Variants in KIAA0319 observed in about 807,000 individuals in gnomAD.
The protein encoded by KIAA0319 is dyslexia-associated protein KIAA0319.
In KIAA0319, 83 loss-of-function variants were observed where a neutral mutation model predicts 108.4. That is an observed-to-expected ratio of 0.77 (90% CI 0.64 to 0.92). KIAA0319 has a LOEUF of 0.92. Ranked by LOEUF, KIAA0319 falls within the 40% of genes least tolerant of loss-of-function variation. KIAA0319 has a pLI of 0.00. For missense variants in KIAA0319, 1,195 were observed against 1,322.4 expected (o/e 0.90, Z 1.49); for synonymous variants, 484 against 510.4 (o/e 0.95, Z 0.70).
At chr6:24,561,516 T>C (rs921173609) in intron 16 of KIAA0319, among the ~76,000 whole-genome samples, 1 of 152,200 alleles carries the variant, frequency 6.6e-6, no homozygotes, top group Non-Finnish European at 1.5e-5. Flanking sequence ...TGTGTTGACA[T>C]ACAATGATCC....
intron 1 of KIAA0319, among the ~76,000 whole-genome samples, chr6:24,639,540 T>TA (rs1024602302): frequency 1.3e-5 from 2 of 152,086 alleles, no homozygotes; most frequent in Non-Finnish European, 2.9e-5. Flanking sequence ...ATGAAACTTT[T>TA]AAAAAAAGAG....
intron 2 of KIAA0319, chr6:24,598,178 G>A: frequency 2.1e-6 from 1 of 466,724 alleles, no homozygotes; most frequent in East Asian, 4.8e-5. Context: ...ACCAGTATGG[G>A]TCTGGGTGGA....
At chr6:24,556,569 G>A in intron 18 of KIAA0319, 38 bp downstream of exon 18, 1 of 1,603,916 alleles carries the variant, frequency 6.2e-7, no homozygotes, top group Non-Finnish European at 8.5e-7. Flanking sequence ...GCTGCCTTAA[G>A]GCTCCTCACC....
chr6:24,587,115 C>T (rs1251412290), intron 4 of KIAA0319, among the ~76,000 whole-genome samples: 2 of 152,064 alleles, frequency 1.3e-5, no homozygotes, highest in East Asian at 3.9e-4. Context: ...CGTCCTCTTC[C>T]TTCACATCCT....
At position 24,564,282 on chromosome 6, in the gene KIAA0319, C is replaced by T. The variant is rs1763555219; in HGVS notation, c.2351G>A (p.Gly784Glu). ...VALQLTNLVE[G>E]VYTFHLRVTD... ...GACTCGCAAGTGGAAAGTGTACACC[C>T]CCTCCACCAGATTCGTAAGCTGCAG... The change falls in exon 15 of 21, where the codon GGG becomes GAG. Residue 784 changes from glycine to glutamate, a missense_variant. Gly to Glu is a moderately conservative substitution (Grantham distance 98, BLOSUM62 -2). Coordinates refer to ENST00000378214, the MANE Select transcript of KIAA0319 (RefSeq NM_014809.4). 1.9e-6 allele frequency: 3 copies of T among 1,614,166 alleles called. No homozygotes were observed. In the East Asian group the frequency reaches 6.7e-5, roughly 36 times the overall value.
At position 24,579,758 on chromosome 6, in the gene KIAA0319, A is replaced by T. The variant is rs1190572902; in HGVS notation, c.1372+100T>A. 8.3e-6 allele frequency: 7 copies of T among 841,780 alleles called. No individual in the cohort carries two copies. The East Asian group carries it at 1.9e-4, about 23-fold the overall frequency. 52.1% of individuals were successfully genotyped at this position (841,780 alleles called of 1,614,324 possible). On this transcript the variant is annotated intron_variant, in intron 8 of 20. Transcript: ENST00000378214. Reference sequence around the variant, plus strand: ...GAAGGAGGTGATCGTTTATCAAAGTAACAGCCCATAAGTCCTCCTAGCTTT... The same window carrying T: ...GAAGGAGGTGATCGTTTATCAAAGTTACAGCCCATAAGTCCTCCTAGCTTT...
intron 3 of KIAA0319, among the ~76,000 whole-genome samples, chr6:24,593,327 C>T (rs55880400): frequency 2.0e-5 from 3 of 150,562 alleles, no homozygotes; most frequent in Non-Finnish European, 4.4e-5. Context: ...AATAAAATCT[C>T]TAACACGTGT....
chr6:24,570,481 G>A (rs1349261809), intron 11 of KIAA0319, among the ~76,000 whole-genome samples: 8 of 152,030 alleles, frequency 5.3e-5, no homozygotes, highest in Non-Finnish European at 7.4e-5. Context: ...CCAGCCACTC[G>A]GGAGGCTGAG....
At position 24,563,443 on chromosome 6, in the gene KIAA0319, G is replaced by C. The variant is rs1323178492; in HGVS notation, c.2507C>G (p.Thr836Ser). 49 of 1,613,594 alleles carry C rather than the reference G, an allele frequency of 3.0e-5. 1 individual carries two copies. The Admixed American group carries it at 7.3e-4, about 24-fold the overall frequency. The part of the protein sequence containing the change: ...VGQLTEQRKD[T>S]LVRQLAVLLN... The stretch of plus-strand genomic sequence containing the variant: ...CAGCACAGCCAGCTGCCTCACAAGG[G>C]TGTCCTTCCGCTGCTCTGTCAGCTG... Residue 836 changes from threonine to serine, a missense_variant, in exon 16 of 21, where the codon ACC becomes AGC. Transcript: ENST00000378214.
At chr6:24,579,985 C>G (rs2744564) in intron 7 of KIAA0319, 35 bp from the exon 8 acceptor site, 47,073 of 1,462,394 alleles carry the variant, frequency 0.032, 2,171 homozygotes, top group African/African-American at 0.22. Flanking sequence ...CTGAGCCCAT[C>G]TTGTGTAGGC....
intron 4 of KIAA0319, among the ~76,000 whole-genome samples, chr6:24,584,754 A>G (rs1472147147): frequency 6.6e-6 from 1 of 152,260 alleles, no homozygotes; most frequent in African/African-American, 2.4e-5. Flanking sequence ...GTCCACCAAT[A>G]TTTAATTTAA....
In KIAA0319 at chr6:24,572,843, C is replaced by T. The variant is rs182819273; in HGVS notation, c.1735-145G>A. 1.5e-4 allele frequency: 126 copies of T among 824,512 alleles called. No homozygotes were observed. In the Admixed American group the frequency reaches 1.7e-3, roughly 11 times the overall value. 51.1% of individuals were successfully genotyped at this position (824,512 alleles called of 1,614,324 possible). A position where few individuals can be genotyped will look rare whatever the true frequency, so the allele number is the denominator to read the frequency against. On this transcript the variant is annotated intron_variant, in intron 10 of 20. Coordinates refer to ENST00000378214, the MANE Select transcript of KIAA0319 (RefSeq NM_014809.4). ...AAAAAGAAATGTGTTTGGCCAGGCACGGTGGTTCACATCTGTAATCCCAGC... is the reference window on the plus strand; with the variant it reads ...AAAAAGAAATGTGTTTGGCCAGGCATGGTGGTTCACATCTGTAATCCCAGC...
intron 1 of KIAA0319, among the ~76,000 whole-genome samples, chr6:24,609,109 A>C (rs1771903654): frequency 6.6e-6 from 1 of 150,552 alleles, no homozygotes; most frequent in African/African-American, 2.4e-5. Context: ...CTCTACTAAA[A>C]CTACAAAAAT....
intron 19 of KIAA0319, among the ~76,000 whole-genome samples, chr6:24,553,225 C>G (rs1400389176): frequency 1.3e-5 from 2 of 148,792 alleles, no homozygotes; most frequent in Non-Finnish European, 3.0e-5. Flanking sequence ...ACTTCCAGAA[C>G]TCCTTCCTCT....
chr6:24,623,935 C>A (rs931739281), intron 1 of KIAA0319, among the ~76,000 whole-genome samples: 1 of 150,710 alleles, frequency 6.6e-6, no homozygotes, highest in South Asian at 2.1e-4. Flanking sequence ...CACAAAAATC[C>A]ATAAAAGTTA....
chr6:24,558,911 G>A (rs1351223882), intron 17 of KIAA0319, 102 bp downstream of exon 17: 1 of 1,157,278 alleles, frequency 8.6e-7, no homozygotes, highest in Non-Finnish European at 1.2e-6. Context: ...GTCCCTGGAT[G>A]CTAAAGTGAA....
At chr6:24,595,247 C>A (rs1167940513) in intron 3 of KIAA0319, among the ~76,000 whole-genome samples, 1 of 152,076 alleles carries the variant, frequency 6.6e-6, no homozygotes, top group African/African-American at 2.4e-5. Flanking sequence ...CTCCCGTTGC[C>A]TTAAATGTCG....
rs1285447204 is a variant in KIAA0319 at position 24,582,334 on chromosome 6, T to C, written c.1106A>G (p.Asn369Ser). 10 of 1,606,876 alleles carry C rather than the reference T, an allele frequency of 6.2e-6. No homozygotes were observed. Among genetic ancestry groups the C allele is most frequent in the Non-Finnish European group, 8.5e-6 (10 of 1,173,658 alleles). The change falls in exon 6 of 21, where the codon AAC (asparagine) becomes AGC (serine). Residue 369 changes from asparagine to serine, a missense_variant. Coordinates refer to ENST00000378214, the MANE Select transcript of KIAA0319 (RefSeq NM_014809.4). ...GTGGCTTATTAAATTCCATTCATAG[T>C]TGTAGGTTGTTTCTGAGAGCAAAAA... ...APAPPVETTY[N>S]YEWNLISHPT... is the part of the protein sequence containing the mutation.
At chr6:24,629,128 G>A (rs1404007908) in intron 1 of KIAA0319, among the ~76,000 whole-genome samples, 2 of 152,084 alleles carry the variant, frequency 1.3e-5, no homozygotes, top group Non-Finnish European at 2.9e-5. Flanking sequence ...GGTGAAAAAC[G>A]CCATCTACCT....
Sources: gnomAD v4.1 joint callset for allele counts (sites outside exome capture counted in the v4.1 genomes callset) on GRCh38, gnomAD v4.1.1 for gene constraint, MANE v1.5 for transcripts, NCBI Gene and HGNC (gene_info 2026-07-23, HGNC 2026-07-21) for gene names.